TRMT2B: variants seen among roughly 807,000 people sequenced by gnomAD.
TRMT2B encodes the protein tRNA methyltransferase 2B, also known as tRNA (uracil-5-)-methyltransferase homolog B.
In TRMT2B, 34 loss-of-function variants were observed where a neutral mutation model predicts 39.7. The ratio of observed to expected loss-of-function variants is 0.86; its 90% CI spans 0.65 to 1.14. The LOEUF (loss-of-function observed/expected upper bound fraction) is 1.14. Ranked by LOEUF, TRMT2B falls within the 50% of genes most tolerant of loss-of-function variation. TRMT2B has a pLI of 0.00. For missense variants in TRMT2B, 318 were observed against 377.2 expected (o/e 0.84, Z 1.30); for synonymous variants, 132 against 137.3 (o/e 0.96, Z 0.27).
chrX:101,028,465 C>T (rs767561148), intron 7 of TRMT2B, among the ~76,000 whole-genome samples: 1 of 110,996 alleles, frequency 9.0e-6, no homozygotes, highest in African/African-American at 3.3e-5. Flanking sequence ...TCAGGAAATC[C>T]TGTTGTTCTA....
At chrX:101,028,742 TC>T (rs1414739018) in intron 7 of TRMT2B, among the ~76,000 whole-genome samples, 1 of 111,749 alleles carries the variant, frequency 8.9e-6, no homozygotes, top group Non-Finnish European at 1.9e-5. Context: ...AAATCTTATC[TC>T]AAATTGTAAT....
At position 101,023,379 on chromosome X, in the gene TRMT2B, T is replaced by C. The variant is rs2086891715; in HGVS notation, c.756+91A>G. ...AAATATTCTGTGGATGTACTGTTTCTGCTATATGCCCTGAAACTTCCAAAA... is the reference window on the plus strand; with the variant it reads ...AAATATTCTGTGGATGTACTGTTTCCGCTATATGCCCTGAAACTTCCAAAA... On this transcript the variant is annotated intron_variant, in intron 8 of 13. Coordinates refer to ENST00000372936, the MANE Select transcript of TRMT2B (RefSeq NM_024917.6). 10 of 936,788 alleles carry C rather than the reference T, an allele frequency of 1.1e-5. No individual in the cohort carries two copies. In the East Asian group the frequency reaches 3.1e-4, roughly 29 times the overall value. The allele number at this position is 936,788 out of a possible 1,213,427, so 77.2% of individuals were successfully genotyped here.
At chrX:101,001,824 CAAA>C in the TRMT2B span, among the ~76,000 whole-genome samples, 1 of 59,976 alleles carries the variant, frequency 1.7e-5, no homozygotes. Flanking sequence ...AAGTGATATT[CAAA>C]AAAAAAAAAA....
intron 2 of TRMT2B, among the ~76,000 whole-genome samples, chrX:101,042,997 T>A (rs1456299165): frequency 2.7e-5 from 3 of 112,069 alleles, no homozygotes; most frequent in Non-Finnish European, 5.6e-5. Context: ...CCAGGAGCAG[T>A]GGCTCACACC....
At chrX:101,023,910 T>TGATCTC (rs1406035073) in intron 7 of TRMT2B, among the ~76,000 whole-genome samples, 1 of 111,239 alleles carries the variant, frequency 9.0e-6, no homozygotes, top group Non-Finnish European at 1.9e-5. Context: ...TGCAGTGGCA[T>TGATCTC]GATCTCGGCT....
At position 101,035,611 on chromosome X, in the gene TRMT2B, A is replaced by G; in HGVS notation, c.609+2T>C. 8.3e-7 allele frequency: 1 copy of G among 1,208,830 alleles called. No homozygotes were observed. Among genetic ancestry groups the G allele is most frequent in the Non-Finnish European group, 1.1e-6 (1 of 892,798 alleles). ...TCTCAACCAGCTCTTGTTCCATTTT[A>G]CCTGCGCCACTTGACTGTGTTTCTC... is the stretch of plus-strand genomic sequence containing the variant. On this transcript the variant is annotated splice_donor_variant, in intron 7 of 13. Coordinates refer to ENST00000372936, the MANE Select transcript of TRMT2B (RefSeq NM_024917.6). LOFTEE classifies it high-confidence loss of function.
At position 101,044,733 on chromosome X, in the gene TRMT2B, G is replaced by C. The variant is rs185650826; in HGVS notation, c.-23-2421C>G. On this transcript the variant is annotated intron_variant, in intron 2 of 13. Coordinates refer to ENST00000372936, the MANE Select transcript of TRMT2B (RefSeq NM_024917.6). The stretch of plus-strand genomic sequence containing the variant: ...CATGCACCTGTAGTCCCAGCTACTC[G>C]GTAGGCTGAGGTAGGAGAATTGCTT... Among the ~76,000 whole-genome samples, 189 of 108,355 alleles carry C rather than the reference G, an allele frequency of 1.7e-3. No individual in the cohort carries two copies. In the Middle Eastern group the frequency reaches 0.019, roughly 11 times the overall value. 94.1% of individuals were successfully genotyped at this position (108,355 alleles called of 115,157 possible).
the TRMT2B span, chrX:100,974,337 G>A: frequency 1.4e-4 from 60 of 432,824 alleles, no homozygotes; most frequent in East Asian, 2.8e-4. Flanking sequence ...TAACACACAC[G>A]CACACACACA....
chrX:101,005,521 C>T (rs969233148), downstream of TRMT2B, among the ~76,000 whole-genome samples: 7 of 109,522 alleles, frequency 6.4e-5, no homozygotes, highest in Non-Finnish European at 1.3e-4. Flanking sequence ...TGCCAGTCCA[C>T]AGATGTAAAT....
intron 2 of TRMT2B, among the ~76,000 whole-genome samples, chrX:101,043,284 A>T (rs1270232539): frequency 9.1e-6 from 1 of 109,576 alleles, no homozygotes; most frequent in African/African-American, 3.3e-5. Flanking sequence ...AAAAATAAAT[A>T]AATAAGGTGG....
chrX:100,979,873 G>C, the TRMT2B span, among the ~76,000 whole-genome samples: 1 of 111,915 alleles, frequency 8.9e-6, no homozygotes, highest in Non-Finnish European at 1.9e-5. Context: ...TGGTGGTCTT[G>C]GGTAAGATCT....
chrX:100,987,699 G>A, the TRMT2B span: 1 of 620,994 alleles, frequency 1.6e-6, no homozygotes, highest in Non-Finnish European at 2.4e-6. Flanking sequence ...AATGGGGCTA[G>A]GGCAGTGCCC....
chrX:100,994,119 C>T, the TRMT2B span, among the ~76,000 whole-genome samples: 2 of 111,804 alleles, frequency 1.8e-5, no homozygotes, highest in Non-Finnish European at 3.8e-5. Flanking sequence ...CTGTCAAGTA[C>T]AAAGTGAATA....
chrX:100,991,962 GATACATAT>G, the TRMT2B span, among the ~76,000 whole-genome samples: 12 of 110,836 alleles, frequency 1.1e-4, no homozygotes, highest in African/African-American at 3.6e-4. Flanking sequence ...CTGATTAATG[GATACATAT>G]ATACAGTTTG....
At chrX:100,998,297 A>T in the TRMT2B span, among the ~76,000 whole-genome samples, 1 of 108,344 alleles carries the variant, frequency 9.2e-6, no homozygotes, top group East Asian at 2.9e-4. Flanking sequence ...TACAGGAAAC[A>T]AATTATTTTT....
chrX:101,029,168 C>T (rs1227628940), intron 7 of TRMT2B, among the ~76,000 whole-genome samples: 7 of 111,285 alleles, frequency 6.3e-5, no homozygotes, highest in Non-Finnish European at 3.8e-5. Flanking sequence ...GCCACACGCT[C>T]ATCTTGGGGT....
At chrX:101,046,145 CAA>C (rs10659413) in intron 2 of TRMT2B, among the ~76,000 whole-genome samples, 2 of 56,951 alleles carry the variant, frequency 3.5e-5, no homozygotes, top group Non-Finnish European at 3.2e-5. Context: ...GACTCAGTCT[CAA>C]AAAAAAAAAA....
At chrX:100,986,469 G>T in the TRMT2B span, among the ~76,000 whole-genome samples, 53 of 111,889 alleles carry the variant, frequency 4.7e-4, 1 homozygote, top group East Asian at 0.01. Context: ...CAGAGTTTGG[G>T]AAAGGATGTA....
At chrX:101,023,829 CA>C (rs2086914948) in intron 7 of TRMT2B, among the ~76,000 whole-genome samples, 1 of 111,310 alleles carries the variant, frequency 9.0e-6, no homozygotes, top group South Asian at 3.8e-4. Context: ...GGCCTTAATC[CA>C]ATCTCACTGA....
Sources: gnomAD v4.1 joint callset for allele counts (sites outside exome capture counted in the v4.1 genomes callset) on GRCh38, gnomAD v4.1.1 for gene constraint, MANE v1.5 for transcripts, NCBI Gene and HGNC (gene_info 2026-07-23, HGNC 2026-07-21) for gene names.